The following INPP4B variants were observed in gnomAD, a reference collection of about 807,000 sequenced individuals.
INPP4B encodes inositol polyphosphate-4-phosphatase type II B.
A neutral mutation model predicts 122.5 loss-of-function variants in INPP4B; 55 were observed. The observed-to-expected ratio is 0.45, with a 90% confidence interval of 0.36 to 0.56. The LOEUF is 0.56. Ranked by LOEUF, INPP4B falls within the 20% of genes least tolerant of loss-of-function variation. The probability of loss-of-function intolerance (pLI) is 0.00; values close to 1 mark genes in which losing one functional copy is unlikely to be tolerated. For synonymous variants in INPP4B, 403 were observed against 388.7 expected, an observed-to-expected ratio of 1.04 and a Z score of -0.43; for missense variants, 1,000 against 1,097.7, an observed-to-expected ratio of 0.91 and a Z score of 1.26.
intron 2 of INPP4B, among the ~76,000 whole-genome samples, chr4:142,559,263 G>A (rs553559458): frequency 5.9e-5 from 9 of 152,318 alleles, no homozygotes; most frequent in African/African-American, 2.2e-4. Flanking sequence ...ATCAAAAGCT[G>A]AGAGAACCTA....
At chr4:142,185,885 T>A (rs200592052) in intron 15 of INPP4B, among the ~76,000 whole-genome samples, 754 of 129,618 alleles carry the variant, frequency 5.8e-3, no homozygotes, top group Non-Finnish European at 7.3e-3. Flanking sequence ...TCTCAAAACA[T>A]AAAAAAAAAA....
intron 1 of INPP4B, among the ~76,000 whole-genome samples, chr4:142,740,240 C>A (rs1434750233): frequency 1.3e-5 from 2 of 151,798 alleles, no homozygotes; most frequent in African/African-American, 2.4e-5. Context: ...AAAAAATAAA[C>A]AATCTAAGCA....
chr4:142,391,275 C>T (rs571651614), intron 7 of INPP4B, among the ~76,000 whole-genome samples: 2 of 152,164 alleles, frequency 1.3e-5, no homozygotes, highest in South Asian at 2.1e-4. Context: ...AACATGGACT[C>T]GGCTGGGCAT....
chr4:142,370,899 CAA>C (rs1789647606), intron 7 of INPP4B, among the ~76,000 whole-genome samples: 1 of 151,938 alleles, frequency 6.6e-6, no homozygotes, highest in African/African-American at 2.4e-5. Flanking sequence ...ATCAAAATAC[CAA>C]GACATTCCTC....
intron 2 of INPP4B, among the ~76,000 whole-genome samples, chr4:142,620,692 TA>T (rs1011430875): frequency 1.8e-4 from 28 of 151,856 alleles, no homozygotes; most frequent in Admixed American, 8.6e-4. Context: ...GTATTAAAAA[TA>T]AAAAAAAGTT....
At chr4:142,239,684 T>C (rs1858344508) in intron 11 of INPP4B, among the ~76,000 whole-genome samples, 1 of 152,160 alleles carries the variant, frequency 6.6e-6, no homozygotes, top group Admixed American at 6.6e-5. Context: ...AAATTTATTA[T>C]GGTGTCCATA....
chr4:142,066,710 G>T (rs1302169932), intron 25 of INPP4B, among the ~76,000 whole-genome samples: 1 of 152,200 alleles, frequency 6.6e-6, no homozygotes, highest in Non-Finnish European at 1.5e-5. Context: ...CACACCCACA[G>T]AGCCTCACTC....
intron 9 of INPP4B, among the ~76,000 whole-genome samples, chr4:142,275,156 G>A (rs1040577097): frequency 1.3e-5 from 2 of 151,648 alleles, no homozygotes; most frequent in African/African-American, 2.4e-5. Context: ...CTAAAGGAAA[G>A]GGAATATAAA....
At chr4:142,628,326 C>A (rs1330504696) in intron 2 of INPP4B, among the ~76,000 whole-genome samples, 1 of 144,160 alleles carries the variant, frequency 6.9e-6, no homozygotes, top group Non-Finnish European at 1.5e-5. Flanking sequence ...AAACTAAACA[C>A]CGCATATTCT....
chr4:142,332,809 C>T (rs1299346590), intron 7 of INPP4B, among the ~76,000 whole-genome samples: 1 of 150,220 alleles, frequency 6.7e-6, no homozygotes, highest in Non-Finnish European at 1.5e-5. Flanking sequence ...TCGAGACCAA[C>T]CTGGCTAACA....
At chr4:142,252,199 T>C (rs1579454116) in intron 11 of INPP4B, among the ~76,000 whole-genome samples, 1 of 150,560 alleles carries the variant, frequency 6.6e-6, no homozygotes, top group African/African-American at 2.4e-5. Context: ...TTTTTTTTTT[T>C]TTTTTTTGAG....
At chr4:142,096,603 A>C (rs2152600861) in intron 23 of INPP4B, among the ~76,000 whole-genome samples, 1 of 152,300 alleles carries the variant, frequency 6.6e-6, no homozygotes, top group South Asian at 2.1e-4. Flanking sequence ...TTAAAAAGAA[A>C]CAGAAGTGCT....
At chr4:142,603,610 T>G (rs1740564852) in intron 2 of INPP4B, among the ~76,000 whole-genome samples, 1 of 151,698 alleles carries the variant, frequency 6.6e-6, no homozygotes. Flanking sequence ...CTGGAAAACC[T>G]AGAAGAAATG....
In INPP4B at chr4:142,260,054, G is replaced by A. The variant is rs528620108; in HGVS notation, c.688+438C>T. On this transcript the variant is annotated intron_variant, in intron 11 of 25. Coordinates refer to ENST00000262992, the MANE Select transcript of INPP4B (RefSeq NM_001101669.3). Reference sequence around the variant, plus strand: ...AGCTGGAGTGCAGTGGCGCGATCTCGGCTCCCTGCAACCTCCGCCCCTCGG... The same window carrying A: ...AGCTGGAGTGCAGTGGCGCGATCTCAGCTCCCTGCAACCTCCGCCCCTCGG... Among the ~76,000 whole-genome samples, 7 of 152,208 alleles carry A rather than the reference G, an allele frequency of 4.6e-5. No individual in the cohort carries two copies. In the South Asian group the frequency reaches 1.2e-3, roughly 27 times the overall value.
At chr4:142,029,412 C>CTGAA (rs56164646) in intron 25 of INPP4B, 214,001 of 985,216 alleles carry the variant, frequency 0.22, 24,550 homozygotes, top group Non-Finnish European at 0.24. Context: ...AAATGGCTTT[C>CTGAA]TGAACAGCCT....
intron 2 of INPP4B, among the ~76,000 whole-genome samples, chr4:142,537,425 TATATAGAG>T (rs1164479984): frequency 0.041 from 1,664 of 40,686 alleles, 14 homozygotes; most frequent in Non-Finnish European, 0.055. Context: ...TATATATATA[TATATAGAG>T]AGAGAGAGAG....
intron 2 of INPP4B, among the ~76,000 whole-genome samples, chr4:142,691,110 C>T (rs1398724120): frequency 6.6e-6 from 1 of 152,134 alleles, no homozygotes; most frequent in African/African-American, 2.4e-5. Flanking sequence ...CCATGGAGCT[C>T]TAAGCGCATC....
intron 11 of INPP4B, among the ~76,000 whole-genome samples, chr4:142,249,080 T>C (rs185159103): frequency 6.6e-6 from 1 of 152,210 alleles, no homozygotes; most frequent in African/African-American, 2.4e-5. Context: ...GATGTACAAA[T>C]ACCGGTAAGT....
chr4:142,682,876 C>A (rs1237743209), intron 2 of INPP4B, among the ~76,000 whole-genome samples: 1 of 151,920 alleles, frequency 6.6e-6, no homozygotes, highest in African/African-American at 2.4e-5. Flanking sequence ...AAAAACGGTA[C>A]TTTAGCTTTT....
Sources: gnomAD v4.1 joint callset for allele counts (sites outside exome capture counted in the v4.1 genomes callset) on GRCh38, gnomAD v4.1.1 for gene constraint, MANE v1.5 for transcripts, NCBI Gene and HGNC (gene_info 2026-07-23, HGNC 2026-07-21) for gene names.